CDK19: variants seen among roughly 807,000 people sequenced by gnomAD.
CDK19 encodes cyclin-dependent kinase 19.
A neutral mutation model predicts 68.3 loss-of-function variants in CDK19; 20 were observed. The ratio of observed to expected loss-of-function variants is 0.29; its 90% CI spans 0.21 to 0.43. The LOEUF (loss-of-function observed/expected upper bound fraction) is 0.43, where lower values mean the gene tolerates loss of function less well. Ranked by LOEUF, CDK19 falls within the 20% of genes least tolerant of loss-of-function variation. CDK19 has a pLI of 1.00. For missense variants in CDK19, 339 were observed against 623.5 expected, an observed-to-expected ratio of 0.54 and a Z score of 4.86; for synonymous variants, 221 against 222.8, an observed-to-expected ratio of 0.99 and a Z score of 0.07.
chr6:110,760,912 A>C (rs1047083105), intron 1 of CDK19, among the ~76,000 whole-genome samples: 1 of 152,212 alleles, frequency 6.6e-6, no homozygotes, highest in Non-Finnish European at 1.5e-5. Flanking sequence ...TCTGTGCTTT[A>C]ATCGCTATAG....
intron 1 of CDK19, among the ~76,000 whole-genome samples, chr6:110,811,281 C>T (rs779563458): frequency 2.6e-5 from 4 of 152,174 alleles, no homozygotes; most frequent in Non-Finnish European, 5.9e-5. Context: ...TACCTATTAG[C>T]TATATGCATC....
At chr6:110,750,360 G>GT (rs1378209892) in intron 1 of CDK19, among the ~76,000 whole-genome samples, 15 of 108,716 alleles carry the variant, frequency 1.4e-4, no homozygotes, top group Non-Finnish European at 2.1e-4. Context: ...CAGAGGCAGA[G>GT]CTAAGACCAG....
At chr6:110,637,841 G>C (rs1250550606) in intron 5 of CDK19, among the ~76,000 whole-genome samples, 1 of 152,112 alleles carries the variant, frequency 6.6e-6, no homozygotes, top group Non-Finnish European at 1.5e-5. Context: ...AATTAGCCAG[G>C]CGTGGTGGCG....
At chr6:110,810,705 C>T (rs1436021771) in intron 1 of CDK19, among the ~76,000 whole-genome samples, 2 of 151,282 alleles carry the variant, frequency 1.3e-5, no homozygotes, top group Non-Finnish European at 2.9e-5. Flanking sequence ...ACCCAAGAGG[C>T]GGAGGTTGCA....
At chr6:110,766,350 G>A (rs866936189) in intron 1 of CDK19, among the ~76,000 whole-genome samples, 5 of 150,552 alleles carry the variant, frequency 3.3e-5, no homozygotes, top group East Asian at 2.0e-4. Context: ...CAAGGCAGAC[G>A]GATCACTTGA....
At chr6:110,676,399 T>A (rs1327314262) in intron 2 of CDK19, among the ~76,000 whole-genome samples, 2 of 152,208 alleles carry the variant, frequency 1.3e-5, no homozygotes, top group African/African-American at 4.8e-5. Flanking sequence ...ATAAACTTAG[T>A]TGGTAAAGTA....
chr6:110,693,254 G>A (rs1453045569), intron 2 of CDK19, among the ~76,000 whole-genome samples: 1 of 152,204 alleles, frequency 6.6e-6, no homozygotes, highest in Non-Finnish European at 1.5e-5. Context: ...GCTGGCCACT[G>A]CAGTTCCAAA....
chr6:110,789,562 C>G (rs918990920), intron 1 of CDK19, among the ~76,000 whole-genome samples: 15 of 152,026 alleles, frequency 9.9e-5, no homozygotes, highest in Admixed American at 9.2e-4. Context: ...CAGGCGTGAG[C>G]CACCATGCCA....
At chr6:110,808,253 C>T (rs1032259746) in intron 1 of CDK19, among the ~76,000 whole-genome samples, 1 of 152,142 alleles carries the variant, frequency 6.6e-6, no homozygotes, top group Admixed American at 6.6e-5. Context: ...CTATGTGTGG[C>T]GTGTGGCTTG....
intron 2 of CDK19, among the ~76,000 whole-genome samples, chr6:110,713,725 T>A (rs1406726753): frequency 6.6e-6 from 1 of 152,088 alleles, no homozygotes; most frequent in Non-Finnish European, 1.5e-5. Flanking sequence ...AATATTTTAC[T>A]AAGAAAAGAA....
chr6:110,769,734 CTT>C (rs1423202573), intron 1 of CDK19, among the ~76,000 whole-genome samples: 1 of 152,084 alleles, frequency 6.6e-6, no homozygotes, highest in Admixed American at 6.6e-5. Context: ...TTAATCTCAT[CTT>C]TCTCATAGAA....
At chr6:110,691,057 T>C (rs943362491) in intron 2 of CDK19, among the ~76,000 whole-genome samples, 1 of 151,856 alleles carries the variant, frequency 6.6e-6, no homozygotes, top group Admixed American at 6.6e-5. Flanking sequence ...AGATAAAGAA[T>C]CCAAAAGGTT....
At chr6:110,637,787 C>T (rs1779876827) in intron 5 of CDK19, among the ~76,000 whole-genome samples, 1 of 152,262 alleles carries the variant, frequency 6.6e-6, no homozygotes, top group Non-Finnish European at 1.5e-5. Flanking sequence ...CGAGACCAGC[C>T]TGGCCAACAT....
chr6:110,703,888 T>G (rs1244573768), intron 2 of CDK19, among the ~76,000 whole-genome samples: 1 of 152,138 alleles, frequency 6.6e-6, no homozygotes, highest in Non-Finnish European at 1.5e-5. Context: ...TTTAGAATAG[T>G]CCCACATTAT....
chr6:110,779,654 G>A (rs1170737172), intron 1 of CDK19, among the ~76,000 whole-genome samples: 1 of 152,126 alleles, frequency 6.6e-6, no homozygotes, highest in East Asian at 1.9e-4. Flanking sequence ...GGTGCCTCAC[G>A]CCTGTAATCC....
At chr6:110,645,014 C>A (rs1780459469) in intron 4 of CDK19, among the ~76,000 whole-genome samples, 1 of 151,982 alleles carries the variant, frequency 6.6e-6, no homozygotes, top group African/African-American at 2.4e-5. Flanking sequence ...GTAAAAAGGC[C>A]AATGATAACA....
intron 1 of CDK19, among the ~76,000 whole-genome samples, chr6:110,798,628 G>GAAA (rs59236293): frequency 9.0e-4 from 51 of 56,606 alleles, no homozygotes; most frequent in Non-Finnish European, 1.3e-3. Flanking sequence ...TCTGTCTCCA[G>GAAA]AAAAAAAAAA....
At chr6:110,786,328 G>A (rs908014333) in intron 1 of CDK19, among the ~76,000 whole-genome samples, 3 of 151,946 alleles carry the variant, frequency 2.0e-5, no homozygotes, top group Non-Finnish European at 4.4e-5. Flanking sequence ...AATTCTCTCG[G>A]ATCTGTATTT....
chr6:110,681,038 T>G lies in CDK19; in HGVS notation c.205-10497A>C, dbSNP rs139911003. Among the ~76,000 whole-genome samples the G allele has an allele frequency of 3.1e-4, 46 of 148,920 alleles. No homozygotes were observed. In the East Asian group the frequency reaches 9.0e-3, roughly 29 times the overall value. ...TAAAATAAAATAAAATATAAAGAGA[T>G]ATAAATAACAGAAAATGGGCTGGGC... On this transcript the variant is annotated intron_variant, in intron 2 of 12. Transcript: ENST00000368911.
Sources: allele counts gnomAD v4.1 joint callset (sites outside exome capture counted in the v4.1 genomes callset), GRCh38; gene constraint gnomAD v4.1.1; transcripts MANE v1.5; gene names NCBI Gene and HGNC (gene_info 2026-07-23, HGNC 2026-07-21).